Variants in LRRC2 observed in about 807,000 individuals in gnomAD.
LRRC2 encodes leucine-rich repeat-containing protein 2.
Under a neutral mutation model 40.2 loss-of-function variants are expected in LRRC2, and 27 were observed. The ratio of observed to expected loss-of-function variants is 0.67; its 90% CI spans 0.49 to 0.93. The LOEUF is 0.93. LRRC2 is among the 40% of genes least tolerant of loss of function. The pLI is 0.00. For missense variants in LRRC2, 402 were observed against 439.6 expected (o/e 0.91, Z 0.76); for synonymous variants, 147 against 158.9 (o/e 0.92, Z 0.56).
At chr3:46,523,464 C>G (rs2106978772) in intron 7 of LRRC2, among the ~76,000 whole-genome samples, 1 of 152,290 alleles carries the variant, frequency 6.6e-6, no homozygotes, top group African/African-American at 2.4e-5. Flanking sequence ...CCCCTTCTTT[C>G]CAGTTTCCCA....
At chr3:46,525,086 CTTTTTTTTTT>C (rs11284933) in intron 7 of LRRC2, among the ~76,000 whole-genome samples, 6 of 117,574 alleles carry the variant, frequency 5.1e-5, no homozygotes, top group Non-Finnish European at 1.1e-4. Context: ...CTTTTTTTTT[CTTTTTTTTTT>C]TTTTTTTTTA....
intron 4 of LRRC2, among the ~76,000 whole-genome samples, chr3:46,534,902 C>T (rs1006709490): frequency 2.6e-5 from 4 of 152,196 alleles, no homozygotes. Flanking sequence ...TTCATTCCCA[C>T]GTTCCTCACT....
intron 3 of LRRC2, among the ~76,000 whole-genome samples, 155 bp from the exon 4 acceptor site, chr3:46,539,356 A>T (rs1157233670): frequency 3.9e-5 from 6 of 152,206 alleles, no homozygotes; most frequent in African/African-American, 1.4e-4. Flanking sequence ...AAAAGAAACC[A>T]AAGACACCGC....
intron 7 of LRRC2, among the ~76,000 whole-genome samples, chr3:46,524,573 A>G (rs1476207393): frequency 6.6e-6 from 1 of 152,206 alleles, no homozygotes; most frequent in Non-Finnish European, 1.5e-5. Context: ...CCTTACTTTC[A>G]TCAATGACTG....
intron 5 of LRRC2, 122 bp downstream of exon 5, chr3:46,532,651 C>T: frequency 9.1e-7 from 1 of 1,099,390 alleles, no homozygotes. Flanking sequence ...ATTGAAATGT[C>T]AGGAAAAGGT....
At chr3:46,563,963 A>G (rs1241558455) in intron 1 of LRRC2, among the ~76,000 whole-genome samples, 1 of 152,244 alleles carries the variant, frequency 6.6e-6, no homozygotes, top group Non-Finnish European at 1.5e-5. Context: ...AACCGTGTGT[A>G]CTGAGCCAGT....
chr3:46,532,694 C>T, intron 5 of LRRC2, 79 bp downstream of exon 5: 1 of 1,408,702 alleles, frequency 7.1e-7, no homozygotes, highest in Non-Finnish European at 9.8e-7. Flanking sequence ...TATGTTAAAA[C>T]TTCTTGCCAT....
chr3:46,518,812 C>T lies in LRRC2; in HGVS notation c.*202G>A, dbSNP rs375538373. On this transcript the variant is annotated 3_prime_UTR_variant, in exon 9 of 9. Coordinates refer to ENST00000395905, the MANE Select transcript of LRRC2 (RefSeq NM_024512.5). ...AAATGAACCTGGAAATATCAATATA[C>T]AAACCAATTTTTCAATTCTCCAGTC... 4.0e-4 allele frequency: 199 copies of T among 499,802 alleles called. 1 individual carries two copies. In the Middle Eastern group the frequency reaches 4.2e-3, roughly 11 times the overall value. 31.0% of individuals were successfully genotyped at this position (499,802 alleles called of 1,614,324 possible). A position where few individuals can be genotyped will look rare whatever the true frequency, so the allele number is the denominator to read the frequency against.
chr3:46,519,495 C>T (rs1205375122), intron 8 of LRRC2, among the ~76,000 whole-genome samples: 2 of 152,158 alleles, frequency 1.3e-5, no homozygotes, highest in Non-Finnish European at 2.9e-5. Flanking sequence ...TGAAAGTAAA[C>T]CTTCTCTCAG....
At chr3:46,563,213 C>T (rs1575365742) in intron 1 of LRRC2, among the ~76,000 whole-genome samples, 1 of 152,160 alleles carries the variant, frequency 6.6e-6, no homozygotes, top group Admixed American at 6.5e-5. Flanking sequence ...GAAAGGCCCC[C>T]TAATTGGTCT....
At chr3:46,565,685 C>T (rs1327296808) in intron 1 of LRRC2, among the ~76,000 whole-genome samples, 1 of 152,214 alleles carries the variant, frequency 6.6e-6, no homozygotes, top group African/African-American at 2.4e-5. Context: ...CAGTCACTTT[C>T]CGCCCTTGCC....
At chr3:46,543,075 C>G (rs1488891930) in intron 3 of LRRC2, among the ~76,000 whole-genome samples, 1 of 152,100 alleles carries the variant, frequency 6.6e-6, no homozygotes, top group Admixed American at 6.5e-5. Context: ...GAGGTGAGGC[C>G]GAAGCACAAG....
intron 4 of LRRC2, 115 bp from the exon 5 acceptor site, chr3:46,533,024 C>T (rs1479154678): frequency 1.8e-6 from 2 of 1,101,308 alleles, no homozygotes; most frequent in African/African-American, 3.1e-5. Context: ...AGGAACTAAA[C>T]ATAATTTAGT....
chr3:46,558,815 G>T (rs1340321983), intron 1 of LRRC2: 1 of 152,194 alleles, frequency 6.6e-6, no homozygotes, highest in Non-Finnish European at 1.5e-5. Flanking sequence ...ACTCTTTTGG[G>T]CTATAGCTCC....
intron 1 of LRRC2, 83 bp from the exon 2 acceptor site, chr3:46,551,693 T>A: frequency 2.6e-5 from 24 of 927,198 alleles, no homozygotes; most frequent in Non-Finnish European, 2.9e-5. Flanking sequence ...GAAATATGAA[T>A]GAATCACTTG....
Position 46,539,113 on chromosome 3 carries a change from T to C in LRRC2, c.422A>G (p.Gln141Arg), listed in dbSNP as rs771457691. The change falls in exon 4 of 9, where the codon CAG becomes CGG. Residue 141 changes from glutamine (Q) to arginine (R), a missense_variant. Transcript: ENST00000395905. ...TLIQIIPTYI[Q>R]LFQAMRILDL... ...CAGAATTCTCATCGCTTGAAATAAC[T>C]GAATATATGTAGGAATGATTTGAAT... The C allele has an allele frequency of 9.9e-6, 16 of 1,613,918 alleles. No homozygotes were observed. Among genetic ancestry groups the C allele is most frequent in the Non-Finnish European group, 1.4e-5 (16 of 1,179,836 alleles).
intron 1 of LRRC2, among the ~76,000 whole-genome samples, chr3:46,555,979 CTTT>C (rs1195438339): frequency 6.6e-6 from 1 of 152,138 alleles, no homozygotes; most frequent in African/African-American, 2.4e-5. Context: ...GCAATCTTTT[CTTT>C]TTTATTAATC....
intron 1 of LRRC2, chr3:46,558,788 G>A (rs1277572883): frequency 6.6e-6 from 1 of 152,176 alleles, no homozygotes; most frequent in Non-Finnish European, 1.5e-5. Context: ...AAGTAAGAAA[G>A]CGTGACGGTT....
At chr3:46,551,864 T>G (rs1024714065) in intron 1 of LRRC2, among the ~76,000 whole-genome samples, 4 of 150,218 alleles carry the variant, frequency 2.7e-5, no homozygotes, top group African/African-American at 9.8e-5. Context: ...AGTGGCACGA[T>G]CATAGCTCCA....
Sources: allele counts gnomAD v4.1 joint callset (sites outside exome capture counted in the v4.1 genomes callset), GRCh38; gene constraint gnomAD v4.1.1; transcripts MANE v1.5; gene names NCBI Gene and HGNC (gene_info 2026-07-23, HGNC 2026-07-21).